NRXN1: variants seen among roughly 807,000 people sequenced by gnomAD.
NRXN1 encodes the protein neurexin 1, also known as neurexin-1.
NRXN1 carries 39 observed loss-of-function variants against 150.9 expected under a neutral mutation model. That is an observed-to-expected ratio of 0.26 (90% CI 0.20 to 0.34). The LOEUF (loss-of-function observed/expected upper bound fraction) is 0.34. NRXN1 is among the 10% of genes least tolerant of loss of function. The pLI is 1.00. For missense variants in NRXN1, 1,815 were observed against 1,949.9 expected (o/e 0.93, Z 1.30); for synonymous variants, 924 against 757.0 (o/e 1.22, Z -3.62).
At chr2:50,430,604 A>G (rs773144738) in intron 17 of NRXN1, among the ~76,000 whole-genome samples, 44 of 152,210 alleles carry the variant, frequency 2.9e-4, no homozygotes, top group Non-Finnish European at 5.9e-4. Flanking sequence ...GCCCTGTACC[A>G]GGCCCCAAAT....
chr2:51,008,277 G>A (rs1454103232), intron 2 of NRXN1, among the ~76,000 whole-genome samples: 1 of 151,828 alleles, frequency 6.6e-6, no homozygotes, highest in African/African-American at 2.4e-5. Flanking sequence ...TAAAAAGAAG[G>A]GGTTTACTTT....
rs1559035670 is a variant in NRXN1, at chr2:50,623,518, CAG to C, written c.928_929del (p.Leu310ValfsTer3). 1.2e-6 allele frequency: 2 copies of C among 1,613,346 alleles called. No individual in the cohort carries two copies. The highest frequency in any genetic ancestry group is 1.7e-5 in the Admixed American group (1 of 59,934). ...CATTCCTCTGAAGGGTTTTAAATGACAGAGTTATTTCATCACTGCTGCTTTGA... is the reference window on the plus strand; with the variant it reads ...CATTCCTCTGAAGGGTTTTAAATGACAGTTATTTCATCACTGCTGCTTTGA... The part of the protein sequence containing the change: ...PIQSSSDEIT[L>X]SFKTLQRNGL... On this transcript the variant is annotated frameshift_variant, in exon 6 of 23. Coordinates refer to ENST00000401669, the MANE Select transcript of NRXN1 (RefSeq NM_001330078.2). LOFTEE classifies it high-confidence loss of function.
chr2:50,858,711 A>G (rs1266966053), intron 5 of NRXN1, among the ~76,000 whole-genome samples: 1 of 152,168 alleles, frequency 6.6e-6, no homozygotes. Context: ...TAAACATCTG[A>G]AAATTTTAAG....
chr2:50,987,368 T>C (rs1382417433), intron 2 of NRXN1, among the ~76,000 whole-genome samples: 1 of 151,922 alleles, frequency 6.6e-6, no homozygotes, highest in Non-Finnish European at 1.5e-5. Flanking sequence ...AGATATTCAC[T>C]CTGCTATTAC....
At chr2:50,420,887 G>A (rs1477906361) in intron 17 of NRXN1, among the ~76,000 whole-genome samples, 1 of 151,324 alleles carries the variant, frequency 6.6e-6, no homozygotes, top group East Asian at 2.0e-4. Flanking sequence ...ATTAATACCA[G>A]TACAACAAGA....
intron 5 of NRXN1, among the ~76,000 whole-genome samples, chr2:50,876,442 T>C (rs978023085): frequency 6.6e-5 from 10 of 151,854 alleles, no homozygotes; most frequent in Non-Finnish European, 1.5e-4. Context: ...AATTCTTTTT[T>C]AATATTTACT....
At chr2:49,934,932 C>T (rs1023053336) in intron 22 of NRXN1, among the ~76,000 whole-genome samples, 3 of 152,280 alleles carry the variant, frequency 2.0e-5, no homozygotes, top group African/African-American at 7.2e-5. Flanking sequence ...TCTTAGTGGT[C>T]ACTGAGAAAA....
intron 8 of NRXN1, among the ~76,000 whole-genome samples, chr2:50,612,536 T>C (rs1179724542): frequency 3.9e-5 from 6 of 152,190 alleles, no homozygotes; most frequent in Non-Finnish European, 7.3e-5. Context: ...TCACTGGATG[T>C]TGTTGAAATT....
At chr2:50,592,965 G>A (rs898869492) in intron 8 of NRXN1, among the ~76,000 whole-genome samples, 2 of 152,194 alleles carry the variant, frequency 1.3e-5, no homozygotes, top group African/African-American at 4.8e-5. Context: ...TAGCCAAATG[G>A]ACCATAATCA....
intron 17 of NRXN1, among the ~76,000 whole-genome samples, chr2:50,443,117 G>A (rs2086106198): frequency 6.6e-6 from 1 of 152,036 alleles, no homozygotes; most frequent in African/African-American, 2.4e-5. Flanking sequence ...AAGAAAAAGC[G>A]CATGAGGTAG....
At chr2:50,383,633 A>G (rs2081123407) in intron 17 of NRXN1, among the ~76,000 whole-genome samples, 1 of 152,210 alleles carries the variant, frequency 6.6e-6, no homozygotes, top group Admixed American at 6.5e-5. Context: ...CTCAGAAAGA[A>G]TAAACCTGAC....
At chr2:50,337,824 T>C (rs890050616) in intron 17 of NRXN1, among the ~76,000 whole-genome samples, 3 of 152,176 alleles carry the variant, frequency 2.0e-5, no homozygotes, top group Admixed American at 2.0e-4. Context: ...AAACACAAAT[T>C]TTTCATTTAA....
At chr2:50,618,798 T>C (rs1679470309) in intron 8 of NRXN1, among the ~76,000 whole-genome samples, 1 of 150,848 alleles carries the variant, frequency 6.6e-6, no homozygotes, top group Non-Finnish European at 1.5e-5. Context: ...ATAATAATAA[T>C]TAGATTATCA....
intron 8 of NRXN1, chr2:50,616,040 T>TG (rs1364171121): frequency 2.0e-5 from 3 of 152,206 alleles, no homozygotes; most frequent in Non-Finnish European, 4.4e-5. Context: ...TTCATAGGTA[T>TG]GGGCTGCATA....
intron 12 of NRXN1, among the ~76,000 whole-genome samples, chr2:50,519,473 T>C (rs989440684): frequency 1.1e-4 from 16 of 151,988 alleles, no homozygotes; most frequent in Non-Finnish European, 7.4e-5. Flanking sequence ...TGTTCTAAAA[T>C]GGCAATTGTC....
chr2:50,370,436 G>A (rs1286214678), intron 17 of NRXN1, among the ~76,000 whole-genome samples: 1 of 151,980 alleles, frequency 6.6e-6, no homozygotes, highest in Non-Finnish European at 1.5e-5. Context: ...CCACAGAACA[G>A]GTGCTCGTAA....
At position 50,516,835 on chromosome 2, in the gene NRXN1, T is replaced by C. The variant is rs755879273; in HGVS notation, c.2375-10218A>G. On this transcript the variant is annotated intron_variant, in intron 12 of 22. Coordinates refer to ENST00000401669, the MANE Select transcript of NRXN1 (RefSeq NM_001330078.2). ...ATGCTAAAAATACTAGAAATACTCA[T>C]CCCAGTTAAAAAGTACTTTGACTAA... Among the ~76,000 whole-genome samples the C allele has an allele frequency of 4.6e-5, 7 of 152,192 alleles. 1 individual carries two copies. Among genetic ancestry groups the C allele is most frequent in the Admixed American group, 4.6e-4 (7 of 15,280 alleles).
chr2:50,246,401 T>A (rs2066508631), intron 17 of NRXN1, among the ~76,000 whole-genome samples: 1 of 152,068 alleles, frequency 6.6e-6, no homozygotes, highest in Non-Finnish European at 1.5e-5. Flanking sequence ...CATCGCATAG[T>A]TAAATAGAAG....
chr2:50,677,594 T>C (rs149872063), intron 5 of NRXN1, among the ~76,000 whole-genome samples: 76 of 152,246 alleles, frequency 5.0e-4, no homozygotes, highest in Non-Finnish European at 9.0e-4. Context: ...ATTGAATTAA[T>C]TGATTTTTTT....
Sources: allele counts gnomAD v4.1 joint callset (sites outside exome capture counted in the v4.1 genomes callset), GRCh38; gene constraint gnomAD v4.1.1; transcripts MANE v1.5; gene names NCBI Gene and HGNC (gene_info 2026-07-23, HGNC 2026-07-21).